The following CEP83 variants were observed in gnomAD, a reference collection of about 807,000 sequenced individuals.
CEP83 encodes the protein centrosomal protein of 83 kDa.
Under a neutral mutation model 101.9 loss-of-function variants are expected in CEP83, and 70 were observed. The ratio of observed to expected loss-of-function variants is 0.69; its 90% CI spans 0.57 to 0.84. The LOEUF (loss-of-function observed/expected upper bound fraction) is 0.84. CEP83 is among the 40% of genes least tolerant of loss of function. CEP83 has a pLI of 0.00. For synonymous variants in CEP83, 264 were observed against 267.9 expected (o/e 0.99, Z 0.14); for missense variants, 715 against 787.2 (o/e 0.91, Z 1.10).
At chr12:94,287,856 T>C in the CEP83 span, among the ~76,000 whole-genome samples, 1 of 152,254 alleles carries the variant, frequency 6.6e-6, no homozygotes, top group Non-Finnish European at 1.5e-5. Flanking sequence ...TACTGGGTAC[T>C]GTTCTAGGGC....
chr12:94,378,920 TA>T lies in CEP83; in HGVS notation c.671del (p.Leu224Ter), dbSNP rs776893825. The T allele has an allele frequency of 6.2e-7, 1 of 1,614,120 alleles. No individual in the cohort carries two copies. Among genetic ancestry groups the T allele is most frequent in the Admixed American group, 1.7e-5 (1 of 60,008 alleles). ...CCGCTACTTCAGCCTCTAAACCTTTTAATTTTTGACACAAATAGACTTTTTC... is the reference window on the plus strand; with the variant it reads ...CCGCTACTTCAGCCTCTAAACCTTTTATTTTTGACACAAATAGACTTTTTC... ...AREKVYLCQK[L>X]KGLEAEVAEL... On this transcript the variant is annotated frameshift_variant, in exon 7 of 17. Coordinates refer to ENST00000397809, the MANE Select transcript of CEP83 (RefSeq NM_016122.3). LOFTEE classifies it high-confidence loss of function.
At chr12:94,348,657 G>A (rs1386785461) in intron 11 of CEP83, among the ~76,000 whole-genome samples, 1 of 152,096 alleles carries the variant, frequency 6.6e-6, no homozygotes, top group Non-Finnish European at 1.5e-5. Context: ...TTGGTGGTCT[G>A]CTGCCGGTCT....
At chr12:94,325,249 G>T (rs999726673) in intron 14 of CEP83, among the ~76,000 whole-genome samples, 1 of 150,632 alleles carries the variant, frequency 6.6e-6, no homozygotes, top group Non-Finnish European at 1.5e-5. Context: ...TCCGCTCACT[G>T]CAACCTCTGC....
intron 4 of CEP83, among the ~76,000 whole-genome samples, chr12:94,403,621 T>C (rs775151212): frequency 6.6e-6 from 1 of 152,208 alleles, no homozygotes; most frequent in Non-Finnish European, 1.5e-5. Context: ...CAATTTGTTA[T>C]ACCAAAGAGA....
chr12:94,350,571 G>A (rs979931601), intron 11 of CEP83, among the ~76,000 whole-genome samples: 3 of 152,002 alleles, frequency 2.0e-5, no homozygotes, highest in African/African-American at 7.3e-5. Flanking sequence ...ATTTGATAAT[G>A]ATTTCTTGGA....
At chr12:94,427,929 C>G (rs1344394463) in intron 2 of CEP83, among the ~76,000 whole-genome samples, 1 of 152,178 alleles carries the variant, frequency 6.6e-6, no homozygotes, top group Non-Finnish European at 1.5e-5. Context: ...CTGCCAGAAC[C>G]TGAAGTGCAG....
intron 14 of CEP83, among the ~76,000 whole-genome samples, chr12:94,318,316 C>A (rs771860385): frequency 6.6e-6 from 1 of 152,164 alleles, no homozygotes; most frequent in African/African-American, 2.4e-5. Context: ...TGGATTGAGA[C>A]TATGGGGGTT....
chr12:94,420,953 AT>A (rs2064692949), intron 2 of CEP83, among the ~76,000 whole-genome samples: 1 of 152,078 alleles, frequency 6.6e-6, no homozygotes, highest in African/African-American at 2.4e-5. Flanking sequence ...CTACTTCTTG[AT>A]TTTTGTGGAT....
At chr12:94,277,201 A>G in the CEP83 span, 1 of 152,088 alleles carries the variant, frequency 6.6e-6, no homozygotes, top group Non-Finnish European at 1.5e-5. Flanking sequence ...GGGTCCTCAC[A>G]TGGTGGAAAG....
downstream of CEP83, chr12:94,305,073 G>C (rs1968859230): frequency 1.5e-6 from 1 of 654,956 alleles, no homozygotes. Context: ...AGAAAATGTT[G>C]GCATCTGTTT....
At chr12:94,347,074 TACACACACACAC>T in intron 11 of CEP83, among the ~76,000 whole-genome samples, 1 of 129,778 alleles carries the variant, frequency 7.7e-6, no homozygotes, top group South Asian at 2.3e-4. Flanking sequence ...TATATACACA[TACACACACACAC>T]ACACACATAC....
rs528905745 is a variant in CEP83, at chr12:94,406,873, G to A, written c.325-3611C>T. On this transcript the variant is annotated intron_variant, in intron 4 of 16. Transcript: ENST00000397809. Reference sequence around the variant, plus strand: ...ACACAGGAGGCGGAGCTTGCAGTGAGCCAAGATCGCGCCACTGCACTCCAG... The same window carrying A: ...ACACAGGAGGCGGAGCTTGCAGTGAACCAAGATCGCGCCACTGCACTCCAG... Among the ~76,000 whole-genome samples the A allele has an allele frequency of 2.0e-5, 3 of 151,428 alleles. No individual in the cohort carries two copies. The South Asian group carries it at 6.3e-4, about 32-fold the overall frequency.
chr12:94,279,234 A>G, the CEP83 span, among the ~76,000 whole-genome samples: 32 of 152,154 alleles, frequency 2.1e-4, no homozygotes, highest in African/African-American at 7.7e-4. Context: ...TTTTACTCTC[A>G]GATATATTTA....
At chr12:94,289,145 T>C in the CEP83 span, among the ~76,000 whole-genome samples, 1 of 152,214 alleles carries the variant, frequency 6.6e-6, no homozygotes, top group Non-Finnish European at 1.5e-5. Flanking sequence ...ATAAACATGG[T>C]ATCTTATAAA....
At chr12:94,372,681 G>A (rs1165963096) in intron 8 of CEP83, among the ~76,000 whole-genome samples, 1 of 152,144 alleles carries the variant, frequency 6.6e-6, no homozygotes, top group Non-Finnish European at 1.5e-5. Context: ...GAAATTTACT[G>A]AAATGAGACG....
intron 14 of CEP83, among the ~76,000 whole-genome samples, chr12:94,314,047 G>A (rs1004997530): frequency 6.6e-6 from 1 of 152,074 alleles, no homozygotes; most frequent in African/African-American, 2.4e-5. Context: ...AATCTTGTAT[G>A]GTTTCATTAA....
chr12:94,355,847 C>T (rs1341071522), intron 11 of CEP83, among the ~76,000 whole-genome samples: 1 of 152,218 alleles, frequency 6.6e-6, no homozygotes, highest in Non-Finnish European at 1.5e-5. Flanking sequence ...CCCATCCTTT[C>T]GTTTCCCTTA....
chr12:94,349,978 T>G (rs1251028232), intron 11 of CEP83, among the ~76,000 whole-genome samples: 1 of 152,136 alleles, frequency 6.6e-6, no homozygotes, highest in East Asian at 1.9e-4. Context: ...TAAAAGACGC[T>G]GCTAACAGAA....
chr12:94,342,497 A>G (rs1311733748), intron 11 of CEP83, among the ~76,000 whole-genome samples: 3 of 152,226 alleles, frequency 2.0e-5, no homozygotes, highest in Non-Finnish European at 2.9e-5. Flanking sequence ...AAGTAAAATG[A>G]AGGAAAAAAT....
Sources: gnomAD v4.1 joint callset for allele counts (sites outside exome capture counted in the v4.1 genomes callset) on GRCh38, gnomAD v4.1.1 for gene constraint, MANE v1.5 for transcripts, NCBI Gene and HGNC (gene_info 2026-07-23, HGNC 2026-07-21) for gene names.